GRIP1: variants seen among roughly 807,000 people sequenced by gnomAD.
GRIP1 encodes glutamate receptor-interacting protein 1.
In GRIP1, 45 loss-of-function variants were observed where a neutral mutation model predicts 129.9. That is an observed-to-expected ratio of 0.35 (90% CI 0.27 to 0.44). The LOEUF (loss-of-function observed/expected upper bound fraction) is 0.44. GRIP1 is among the 20% of genes least tolerant of loss of function. The pLI is 1.00. For missense variants in GRIP1, 1,196 were observed against 1,396.8 expected (o/e 0.86, Z 2.29); for synonymous variants, 530 against 520.8 (o/e 1.02, Z -0.24).
chr12:67,063,535 C>T (rs1376287834), intron 1 of GRIP1, among the ~76,000 whole-genome samples: 1 of 152,056 alleles, frequency 6.6e-6, no homozygotes, highest in African/African-American at 2.4e-5. Flanking sequence ...AAAGATAAAA[C>T]AAGAGATTCA....
chr12:66,718,427 T>C (rs1205360816), intron 1 of GRIP1, among the ~76,000 whole-genome samples: 1 of 152,164 alleles, frequency 6.6e-6, no homozygotes, highest in Admixed American at 6.6e-5. Flanking sequence ...TATTCTAAGC[T>C]AGTTTTATAA....
At chr12:66,579,864 C>A (rs2063302670) in intron 2 of GRIP1, among the ~76,000 whole-genome samples, 1 of 150,074 alleles carries the variant, frequency 6.7e-6, no homozygotes. Context: ...CTTCCCCAAT[C>A]TAGCAAGGCA....
At chr12:66,432,060 T>C (rs892225389) in intron 14 of GRIP1, among the ~76,000 whole-genome samples, 2 of 152,118 alleles carry the variant, frequency 1.3e-5, no homozygotes, top group African/African-American at 4.8e-5. Context: ...TTTTGTTAAA[T>C]AGATTATAAA....
chr12:66,480,719 G>A (rs1049088150), intron 7 of GRIP1, among the ~76,000 whole-genome samples: 3 of 152,108 alleles, frequency 2.0e-5, no homozygotes, highest in Admixed American at 6.5e-5. Context: ...CAGAGATATA[G>A]ACCAATGGAA....
intron 1 of GRIP1, among the ~76,000 whole-genome samples, chr12:66,777,110 C>A (rs1168983843): frequency 1.3e-5 from 2 of 152,150 alleles, no homozygotes; most frequent in Non-Finnish European, 2.9e-5. Flanking sequence ...AATCAGAACA[C>A]AGCAGACCTT....
chr12:66,411,954 C>T (rs2057417943), intron 15 of GRIP1, among the ~76,000 whole-genome samples: 1 of 152,096 alleles, frequency 6.6e-6, no homozygotes, highest in Admixed American at 6.5e-5. Flanking sequence ...AAGGAATAAA[C>T]AAAACCTCCA....
chr12:66,514,500 A>G (rs1025343002), intron 7 of GRIP1, among the ~76,000 whole-genome samples: 11 of 152,094 alleles, frequency 7.2e-5, no homozygotes, highest in African/African-American at 2.7e-4. Flanking sequence ...CTCAACATCT[A>G]ATTAAAATAA....
At position 66,415,921 on chromosome 12, in the gene GRIP1, G is replaced by GTC. The variant is rs1402993788; in HGVS notation, c.1838+4798_1838+4799insGA. 2.0e-5 allele frequency among the ~76,000 whole-genome samples: 3 copies of GTC among 152,112 alleles called. 1 individual carries two copies. The highest frequency in any genetic ancestry group is 4.4e-5 in the Non-Finnish European group (3 of 68,012). ...ACAACATACACTGGGGCCTGTCATG[G>GTC]GTGAGGTGATGGGAGGGAGACCATC... On this transcript the variant is annotated intron_variant, in intron 15 of 24. Coordinates refer to ENST00000359742, the MANE Select transcript of GRIP1 (RefSeq NM_001366722.1).
chr12:66,353,334 G>A (rs893885362), intron 24 of GRIP1, 83 bp downstream of exon 24: 25 of 945,122 alleles, frequency 2.6e-5, no homozygotes, highest in Non-Finnish European at 6.9e-6. Context: ...AGAGCAAAGG[G>A]CCCCAAATAT....
At chr12:66,814,752 A>AAG (rs779128845) in intron 1 of GRIP1, among the ~76,000 whole-genome samples, 7 of 150,920 alleles carry the variant, frequency 4.6e-5, no homozygotes, top group South Asian at 2.1e-4. Flanking sequence ...ATATTTAACA[A>AAG]AGAGAGAGAG....
At chr12:67,058,291 T>C (rs888668256) in intron 1 of GRIP1, among the ~76,000 whole-genome samples, 1 of 152,244 alleles carries the variant, frequency 6.6e-6, no homozygotes, top group Non-Finnish European at 1.5e-5. Flanking sequence ...TAAAAAGACA[T>C]AAATCCTAGT....
intron 1 of GRIP1, among the ~76,000 whole-genome samples, chr12:66,974,360 C>T (rs1044887453): frequency 9.2e-5 from 14 of 152,100 alleles, no homozygotes; most frequent in Non-Finnish European, 8.8e-5. Flanking sequence ...ATCCAACATG[C>T]GATAACAGAC....
intron 1 of GRIP1, among the ~76,000 whole-genome samples, chr12:66,907,017 G>C (rs1389464209): frequency 6.6e-6 from 1 of 152,164 alleles, no homozygotes; most frequent in African/African-American, 2.4e-5. Flanking sequence ...TGTCTCACCA[G>C]TTTTTCTACT....
chr12:66,550,378 T>C (rs1402788729), intron 2 of GRIP1, among the ~76,000 whole-genome samples: 2 of 152,222 alleles, frequency 1.3e-5, no homozygotes, highest in Non-Finnish European at 2.9e-5. Context: ...ATTATTGTTA[T>C]TTGGATATTG....
At chr12:67,057,893 C>A (rs1462846092) in intron 1 of GRIP1, among the ~76,000 whole-genome samples, 1 of 152,208 alleles carries the variant, frequency 6.6e-6, no homozygotes, top group East Asian at 1.9e-4. Flanking sequence ...TCTGCACATA[C>A]CAGAAAATTA....
At chr12:66,801,960 G>A (rs573727571) in intron 1 of GRIP1, among the ~76,000 whole-genome samples, 1 of 152,250 alleles carries the variant, frequency 6.6e-6, no homozygotes, top group East Asian at 1.9e-4. Flanking sequence ...TGTTGTAGAT[G>A]TAATTGAATG....
At chr12:67,003,597 G>A (rs1025605452) in intron 1 of GRIP1, among the ~76,000 whole-genome samples, 1 of 152,116 alleles carries the variant, frequency 6.6e-6, no homozygotes, top group Admixed American at 6.5e-5. Flanking sequence ...GGAGGCTGAG[G>A]CAGGAGAATT....
At chr12:67,038,547 G>A (rs1783011854) in intron 1 of GRIP1, among the ~76,000 whole-genome samples, 1 of 152,112 alleles carries the variant, frequency 6.6e-6, no homozygotes, top group Admixed American at 6.6e-5. Flanking sequence ...TTTTCCTAAT[G>A]TCTACTAACT....
intron 5 of GRIP1, among the ~76,000 whole-genome samples, chr12:66,528,764 T>C (rs1308502344): frequency 2.0e-5 from 3 of 152,226 alleles, no homozygotes; most frequent in Non-Finnish European, 4.4e-5. Context: ...CTTTTTGCTC[T>C]GTATTAATGA....
Sources: allele counts gnomAD v4.1 joint callset (sites outside exome capture counted in the v4.1 genomes callset), GRCh38; gene constraint gnomAD v4.1.1; transcripts MANE v1.5; gene names NCBI Gene and HGNC (gene_info 2026-07-23, HGNC 2026-07-21).